Variants in PLD1 observed in about 807,000 individuals in gnomAD.
The protein encoded by PLD1 is phospholipase D1, also known as choline phosphatase 1.
Under a neutral mutation model 137.1 loss-of-function variants are expected in PLD1, and 112 were observed. The ratio of observed to expected loss-of-function variants is 0.82; its 90% CI spans 0.70 to 0.96. PLD1 has a LOEUF of 0.96. Among genes scored for constraint, PLD1 ranks in the 40% least tolerant of loss-of-function variants. The pLI, the probability that PLD1 is intolerant of heterozygous loss-of-function variation, is 0.00. For missense variants in PLD1, 1,321 were observed against 1,342.0 expected (o/e 0.98, Z 0.24); for synonymous variants, 431 against 454.7 (o/e 0.95, Z 0.66).
chr3:171,644,787 A>C, intron 22 of PLD1, 123 bp downstream of exon 22: 4 of 668,168 alleles, frequency 6.0e-6, no homozygotes, highest in Non-Finnish European at 1.1e-5. Context: ...TTTGAAAGTA[A>C]AATAAAGTGT....
At chr3:171,652,367 C>T (rs1050096995) in intron 21 of PLD1, among the ~76,000 whole-genome samples, 1 of 149,014 alleles carries the variant, frequency 6.7e-6, no homozygotes, top group African/African-American at 2.5e-5. Context: ...GAGCCAAGAT[C>T]GCGCCACTGC....
intron 1 of PLD1, chr3:171,765,528 A>G (rs1014839239): frequency 6.6e-6 from 1 of 152,228 alleles, no homozygotes; most frequent in African/African-American, 2.4e-5. Context: ...TTCATTCATC[A>G]TTACTAAAGT....
intron 16 of PLD1, among the ~76,000 whole-genome samples, chr3:171,682,167 A>AG (rs1553819290): frequency 0.018 from 533 of 30,060 alleles, 5 homozygotes; most frequent in African/African-American, 0.026. Context: ...AAAGAAAGAA[A>AG]AAGAAAGAAA....
intron 1 of PLD1, among the ~76,000 whole-genome samples, chr3:171,764,933 GGAAAGAAA>G (rs151169443): frequency 0.11 from 2,478 of 23,492 alleles, 260 homozygotes; most frequent in South Asian, 0.15. Flanking sequence ...AGGAAAGAAA[GGAAAGAAA>G]GAAAGAAAGA....
chr3:171,746,378 C>A (rs1720179351), intron 1 of PLD1, among the ~76,000 whole-genome samples: 1 of 152,254 alleles, frequency 6.6e-6, no homozygotes, highest in Non-Finnish European at 1.5e-5. Flanking sequence ...TTATGTCTAG[C>A]TGGAGGATCC....
chr3:171,686,904 T>C (rs1385954023), intron 15 of PLD1, 106 bp from the exon 16 acceptor site: 27 of 570,450 alleles, frequency 4.7e-5, no homozygotes, highest in Non-Finnish European at 7.4e-5. Flanking sequence ...ATAACATCAG[T>C]CTTAAGATTC....
chr3:171,708,890 AAACTT>A, intron 10 of PLD1, 52 bp from the exon 11 acceptor site: 4 of 1,183,348 alleles, frequency 3.4e-6, no homozygotes, highest in Non-Finnish European at 5.0e-6. Flanking sequence ...AAAAGAAAAG[AAACTT>A]ATCTTATGGT....
intron 11 of PLD1, among the ~76,000 whole-genome samples, chr3:171,700,278 T>G (rs1560230572): frequency 1.3e-5 from 2 of 151,132 alleles, no homozygotes; most frequent in Admixed American, 1.3e-4. Flanking sequence ...CACAGGGGCT[T>G]AATGGGAAAG....
chr3:171,719,294 C>A (rs973955587), intron 8 of PLD1, among the ~76,000 whole-genome samples: 1 of 152,214 alleles, frequency 6.6e-6, no homozygotes, highest in Non-Finnish European at 1.5e-5. Context: ...CTTGATTTAG[C>A]TTCTTTGTAG....
chr3:171,647,992 T>C lies in PLD1; in HGVS notation c.2430-2969A>G, dbSNP rs189133860. On this transcript the variant is annotated intron_variant, in intron 21 of 26. Transcript: ENST00000351298. Reference sequence around the variant, plus strand: ...ACAATACTTGTCCTTTATGTCTGACTTGTTTCGCTTAGCATAACATCTTCA... The same window carrying C: ...ACAATACTTGTCCTTTATGTCTGACCTGTTTCGCTTAGCATAACATCTTCA... Among the ~76,000 whole-genome samples, 308 of 152,318 alleles carry C rather than the reference T, an allele frequency of 2.0e-3. 1 individual carries two copies. Among genetic ancestry groups the C allele is most frequent in the Non-Finnish European group, 3.1e-3 (211 of 68,030 alleles).
chr3:171,747,996 AGATT>A (rs1464302681), intron 1 of PLD1, among the ~76,000 whole-genome samples: 3 of 152,254 alleles, frequency 2.0e-5, no homozygotes, highest in African/African-American at 7.2e-5. Context: ...TACAATAGAT[AGATT>A]AAAATTTTAA....
chr3:171,737,851 G>C, intron 2 of PLD1, 41 bp downstream of exon 2: 1 of 1,582,794 alleles, frequency 6.3e-7, no homozygotes, highest in Non-Finnish European at 8.6e-7. Flanking sequence ...GACCAACCGA[G>C]ATAAACTCTT....
chr3:171,677,546 C>G lies in PLD1; in HGVS notation c.1996+20G>C, dbSNP rs186887846. On this transcript the variant is annotated intron_variant, in intron 17 of 26. Coordinates refer to ENST00000351298, the MANE Select transcript of PLD1 (RefSeq NM_002662.5). Reference sequence around the variant, plus strand: ...GTAAAAGACAAAATATAACCAGCACCCCACCATTATGATACTCACCAGCAA... The same window carrying G: ...GTAAAAGACAAAATATAACCAGCACGCCACCATTATGATACTCACCAGCAA... The G allele has an allele frequency of 6.2e-7, 1 of 1,610,338 alleles. No homozygotes were observed. Among genetic ancestry groups the G allele is most frequent in the Non-Finnish European group, 8.5e-7 (1 of 1,177,878 alleles).
rs776619030 is a variant in PLD1, at chr3:171,620,376, C to T, written c.2728+10G>A. 5 of 1,579,018 alleles carry T rather than the reference C, an allele frequency of 3.2e-6. No individual in the cohort carries two copies. On this transcript the variant is annotated intron_variant, in intron 24 of 26. Coordinates refer to ENST00000351298, the MANE Select transcript of PLD1 (RefSeq NM_002662.5). ...AAGGAATACAATTATAGACCATATA[C>T]TGTACTTACCAATAATAACAGTGTT...
chr3:171,776,198 G>A (rs1056754865), intron 1 of PLD1, among the ~76,000 whole-genome samples: 22 of 152,150 alleles, frequency 1.4e-4, no homozygotes, highest in Admixed American at 1.1e-3. Context: ...TCAGCACTGC[G>A]CCAGTGCTGC....
At chr3:171,653,144 A>G (rs1736923583) in intron 21 of PLD1, 1 of 152,172 alleles carries the variant, frequency 6.6e-6, no homozygotes, top group Non-Finnish European at 1.5e-5. Flanking sequence ...TCATCTGTAG[A>G]ATGGGAGTAA....
intron 1 of PLD1, among the ~76,000 whole-genome samples, chr3:171,785,952 T>A (rs939407592): frequency 6.6e-6 from 1 of 152,208 alleles, no homozygotes; most frequent in Non-Finnish European, 1.5e-5. Flanking sequence ...ACCAAAGTGT[T>A]AAAGCACTAA....
At chr3:171,762,195 CA>C (rs1460337833) in intron 1 of PLD1, among the ~76,000 whole-genome samples, 4 of 152,200 alleles carry the variant, frequency 2.6e-5, no homozygotes, top group Non-Finnish European at 5.9e-5. Flanking sequence ...TAACCAAGTG[CA>C]AGGGCTTCAC....
chr3:171,639,848 C>CTATATATATATATATATATATA (rs148607591), intron 23 of PLD1, among the ~76,000 whole-genome samples: 2 of 110,212 alleles, frequency 1.8e-5, no homozygotes, highest in African/African-American at 7.8e-5. Flanking sequence ...CTCTCTCTCT[C>CTATATATATATATATATATATA]TATATATATA....
Sources: allele counts gnomAD v4.1 joint callset (sites outside exome capture counted in the v4.1 genomes callset), GRCh38; gene constraint gnomAD v4.1.1; transcripts MANE v1.5; gene names NCBI Gene and HGNC (gene_info 2026-07-23, HGNC 2026-07-21).